ULK4: variants seen among roughly 807,000 people sequenced by gnomAD.
The protein encoded by ULK4 is inactive serine/threonine-protein kinase ULK4.
A neutral mutation model predicts 160.6 loss-of-function variants in ULK4; 133 were observed. That is an observed-to-expected ratio of 0.83 (90% CI 0.72 to 0.96). ULK4 has a LOEUF of 0.96. Ranked by LOEUF, ULK4 falls within the 40% of genes least tolerant of loss-of-function variation. The probability of loss-of-function intolerance (pLI) is 0.00; values close to 1 mark genes in which losing one functional copy is unlikely to be tolerated. For synonymous variants in ULK4, 534 were observed against 539.8 expected (o/e 0.99, Z 0.15); for missense variants, 1,580 against 1,499.5 (o/e 1.05, Z -0.89).
chr3:41,914,294 G>A (rs964544188), intron 8 of ULK4, among the ~76,000 whole-genome samples: 1 of 144,478 alleles, frequency 6.9e-6, no homozygotes, highest in Non-Finnish European at 1.5e-5. Context: ...AATAGAATTT[G>A]CAACCACATA....
Position 41,842,770 on chromosome 3 carries a change from A to G in ULK4, c.1657-6799T>C, listed in dbSNP as rs560541031. Among the ~76,000 whole-genome samples, 64 of 152,358 alleles carry G rather than the reference A, an allele frequency of 4.2e-4. 1 individual carries two copies. The South Asian group carries it at 0.012, about 30-fold the overall frequency. On this transcript the variant is annotated intron_variant, in intron 17 of 36. Coordinates refer to ENST00000301831, the MANE Select transcript of ULK4 (RefSeq NM_017886.4). Reference sequence around the variant, plus strand: ...TTTTCTTTATAAATTATCCTGCCTCAGGTATTCCTTTACAACAAAGCAAAA... The same window carrying G: ...TTTTCTTTATAAATTATCCTGCCTCGGGTATTCCTTTACAACAAAGCAAAA...
In ULK4 at chr3:41,905,220, T is replaced by C. The variant is rs576347766; in HGVS notation, c.1182+2625A>G. ...TCTTCAGCAAGGGTTCCAAGACAATTCAATGGGGAAAGAATAAGCTTTTCA... is the reference window on the plus strand; with the variant it reads ...TCTTCAGCAAGGGTTCCAAGACAATCCAATGGGGAAAGAATAAGCTTTTCA... On this transcript the variant is annotated intron_variant, in intron 12 of 36. Coordinates refer to ENST00000301831, the MANE Select transcript of ULK4 (RefSeq NM_017886.4). 7.9e-5 allele frequency among the ~76,000 whole-genome samples: 12 copies of C among 152,218 alleles called. No homozygotes were observed. In the South Asian group the frequency reaches 1.5e-3, roughly 18 times the overall value.
At chr3:41,405,277 T>G (rs1223293533) in intron 34 of ULK4, among the ~76,000 whole-genome samples, 2 of 152,170 alleles carry the variant, frequency 1.3e-5, no homozygotes, top group Non-Finnish European at 2.9e-5. Context: ...GGCCTCCAAC[T>G]CCATCCATGT....
intron 32 of ULK4, among the ~76,000 whole-genome samples, chr3:41,465,371 T>G (rs73828048): frequency 0.016 from 2,409 of 152,336 alleles, 57 homozygotes; most frequent in African/African-American, 0.051. Context: ...ATTTCTCCTG[T>G]AAATACTTCT....
intron 17 of ULK4, among the ~76,000 whole-genome samples, chr3:41,849,628 T>C (rs971087159): frequency 2.0e-5 from 3 of 152,186 alleles, no homozygotes; most frequent in Admixed American, 2.0e-4. Context: ...GAGCAAAGCA[T>C]AATGTAAACT....
chr3:41,438,061 A>G (rs2125853352), intron 34 of ULK4, among the ~76,000 whole-genome samples: 1 of 151,998 alleles, frequency 6.6e-6, no homozygotes. Flanking sequence ...TTTCCAAACG[A>G]AAATAACTTT....
At chr3:41,859,171 A>G (rs564956808) in intron 17 of ULK4, among the ~76,000 whole-genome samples, 23 of 152,352 alleles carry the variant, frequency 1.5e-4, no homozygotes, top group South Asian at 6.2e-4. Context: ...AAAAAAGTGA[A>G]GGAAAAAACA....
chr3:41,612,155 G>A (rs1379721893), intron 31 of ULK4, among the ~76,000 whole-genome samples: 2 of 152,180 alleles, frequency 1.3e-5, no homozygotes, highest in Non-Finnish European at 2.9e-5. Flanking sequence ...CAAAGGACTT[G>A]AGGATCTGTA....
At chr3:41,367,708 C>T (rs2081278970) in intron 35 of ULK4, among the ~76,000 whole-genome samples, 1 of 152,104 alleles carries the variant, frequency 6.6e-6, no homozygotes, top group South Asian at 2.1e-4. Flanking sequence ...GATAACTTGC[C>T]CTGTTTATAG....
chr3:41,640,069 G>C (rs1336051597), intron 30 of ULK4, among the ~76,000 whole-genome samples: 1 of 152,138 alleles, frequency 6.6e-6, no homozygotes, highest in African/African-American at 2.4e-5. Context: ...GCTTGTGATG[G>C]TTTGTGTTTT....
At chr3:41,922,547 A>G (rs1392751407) in intron 5 of ULK4, among the ~76,000 whole-genome samples, 2 of 150,576 alleles carry the variant, frequency 1.3e-5, no homozygotes, top group Admixed American at 1.3e-4. Flanking sequence ...CAGCTACACA[A>G]CAAGTGCAGG....
At chr3:41,377,420 A>G (rs2081529682) in intron 35 of ULK4, among the ~76,000 whole-genome samples, 2 of 150,900 alleles carry the variant, frequency 1.3e-5, no homozygotes, top group South Asian at 4.2e-4. Flanking sequence ...AGAAACTACC[A>G]TCAGAGTGAA....
intron 35 of ULK4, among the ~76,000 whole-genome samples, chr3:41,363,182 G>C (rs1035623521): frequency 6.6e-6 from 1 of 152,178 alleles, no homozygotes; most frequent in Non-Finnish European, 1.5e-5. Flanking sequence ...GGAGCTCCCC[G>C]GGGGGCACAT....
chr3:41,500,022 A>C (rs1364912877), intron 32 of ULK4, among the ~76,000 whole-genome samples: 2 of 151,580 alleles, frequency 1.3e-5, no homozygotes, highest in Non-Finnish European at 2.9e-5. Context: ...TAGTCGTATT[A>C]TTTTCTCTTT....
chr3:41,501,154 G>T (rs2085190067), intron 32 of ULK4, among the ~76,000 whole-genome samples: 1 of 152,130 alleles, frequency 6.6e-6, no homozygotes, highest in Admixed American at 6.6e-5. Context: ...CTGCTGGTAA[G>T]AATGCCAAAT....
At chr3:41,429,533 G>A (rs532941630) in intron 34 of ULK4, among the ~76,000 whole-genome samples, 18 of 152,242 alleles carry the variant, frequency 1.2e-4, no homozygotes, top group African/African-American at 3.4e-4. Flanking sequence ...TAAAGAAAAC[G>A]TGGCACATAT....
At chr3:41,733,522 T>C (rs1395871485) in intron 22 of ULK4, among the ~76,000 whole-genome samples, 2 of 152,046 alleles carry the variant, frequency 1.3e-5, no homozygotes, top group South Asian at 2.1e-4. Flanking sequence ...CATTATCTTA[T>C]ATACATACTT....
At chr3:41,737,572 A>G (rs1230207016) in intron 22 of ULK4, among the ~76,000 whole-genome samples, 1 of 151,922 alleles carries the variant, frequency 6.6e-6, no homozygotes, top group Non-Finnish European at 1.5e-5. Context: ...TCCTAAGCCA[A>G]AAGAACAAAG....
Position 41,681,768 on chromosome 3 carries a change from C to T in ULK4, c.2818G>A (p.Val940Ile). The change falls in exon 28 of 37, where the codon GTT becomes ATT. Residue 940 changes from valine (V) to isoleucine (I), a missense_variant. Transcript: ENST00000301831. ...DYILPPLVSL[V>I]QSQNVEWRLF... ...TCACACTTACCATTTTGGCTTTGAA[C>T]CAAGGACACCAAGGGTGGCAGTATA... The T allele has an allele frequency of 6.2e-7, 1 of 1,614,020 alleles. No individual in the cohort carries two copies. Among genetic ancestry groups the T allele is most frequent in the South Asian group, 1.1e-5 (1 of 91,088 alleles).
Sources: gnomAD v4.1 joint callset for allele counts (sites outside exome capture counted in the v4.1 genomes callset) on GRCh38, gnomAD v4.1.1 for gene constraint, MANE v1.5 for transcripts, NCBI Gene and HGNC (gene_info 2026-07-23, HGNC 2026-07-21) for gene names.